OR3A2: variants seen among roughly 807,000 people sequenced by gnomAD.
The protein encoded by OR3A2 is olfactory receptor 3A2.
For missense variants in OR3A2, 318 were observed against 392.8 expected (o/e 0.81, Z 1.61); for synonymous variants, 126 against 159.3 (o/e 0.79, Z 1.57).
At chr17:3,277,851 G>A (rs916144677) in exon 2 of OR3A2, 23 of 1,058,922 alleles carry the variant, frequency 2.2e-5, no homozygotes, top group African/African-American at 3.2e-5. Context: ...ATGTAACACC[G>A]ATCTTCAAGC....
chr17:3,380,297 C>T (rs1000391919), intron 2 of OR3A2, among the ~76,000 whole-genome samples: 2 of 152,220 alleles, frequency 1.3e-5, no homozygotes, highest in African/African-American at 4.8e-5. Context: ...GACCTGCCAA[C>T]GTGTGGCACG....
At chr17:3,337,995 T>A (rs947655080) in intron 2 of OR3A2, among the ~76,000 whole-genome samples, 5 of 152,210 alleles carry the variant, frequency 3.3e-5, no homozygotes, top group Non-Finnish European at 7.3e-5. Flanking sequence ...TATCTCATTG[T>A]GGTTTTGATT....
At chr17:3,370,392 G>A (rs2049603067) in intron 2 of OR3A2, among the ~76,000 whole-genome samples, 1 of 152,120 alleles carries the variant, frequency 6.6e-6, no homozygotes, top group South Asian at 2.1e-4. Flanking sequence ...GTTTCTAAGT[G>A]AGCTTATTTG....
chr17:3,367,823 T>C (rs1257546452), intron 2 of OR3A2, among the ~76,000 whole-genome samples: 1 of 152,102 alleles, frequency 6.6e-6, no homozygotes, highest in African/African-American at 2.4e-5. Context: ...GGAATCTCCA[T>C]ACTGTTTTCC....
intron 3 of OR3A2, among the ~76,000 whole-genome samples, chr17:3,306,697 C>CAAAAAAAAAAAT: frequency 7.0e-6 from 1 of 142,796 alleles, no homozygotes; most frequent in Admixed American, 7.0e-5. Context: ...AAAAAAAAAC[C>CAAAAAAAAAAAT]GTAACCCCTT....
At chr17:3,352,099 G>T (rs954300023) in intron 2 of OR3A2, among the ~76,000 whole-genome samples, 4 of 151,854 alleles carry the variant, frequency 2.6e-5, no homozygotes, top group African/African-American at 7.3e-5. Context: ...TTTTAATCAG[G>T]ATTAGATTTT....
At chr17:3,332,254 C>A (rs1023400505) in intron 3 of OR3A2, among the ~76,000 whole-genome samples, 4 of 152,230 alleles carry the variant, frequency 2.6e-5, no homozygotes, top group East Asian at 1.9e-4. Context: ...TCGAGCTTCG[C>A]GGCTGCTTTG....
At chr17:3,310,936 T>C (rs2049037973) in intron 3 of OR3A2, 1 of 603,850 alleles carries the variant, frequency 1.7e-6, no homozygotes, top group Non-Finnish European at 3.1e-6. Context: ...GCAGCTTTCA[T>C]GGGTGTGGCC....
chr17:3,361,774 T>G (rs2049518930), intron 2 of OR3A2, among the ~76,000 whole-genome samples: 1 of 151,670 alleles, frequency 6.6e-6, no homozygotes, highest in Non-Finnish European at 1.5e-5. Context: ...GTCCAGTTGA[T>G]CGAGGTGGAT....
chr17:3,314,756 C>A (rs916620167), intron 3 of OR3A2, among the ~76,000 whole-genome samples: 1 of 152,108 alleles, frequency 6.6e-6, no homozygotes, highest in African/African-American at 2.4e-5. Flanking sequence ...CTTGGTAATA[C>A]TGCATGATGC....
chr17:3,355,298 A>T (rs976785152), intron 2 of OR3A2, among the ~76,000 whole-genome samples: 9 of 151,476 alleles, frequency 5.9e-5, no homozygotes, highest in Non-Finnish European at 2.9e-5. Flanking sequence ...TGTTCTGTAA[A>T]TATCTATTAG....
chr17:3,322,173 G>C (rs376692544), intron 3 of OR3A2, among the ~76,000 whole-genome samples: 24,449 of 151,972 alleles, frequency 0.16, 2,700 homozygotes, highest in Non-Finnish European at 0.25. Context: ...GGTGTTTATA[G>C]TATTCTCTGA....
At chr17:3,382,358 T>C (rs2049743887) in intron 2 of OR3A2, among the ~76,000 whole-genome samples, 1 of 152,250 alleles carries the variant, frequency 6.6e-6, no homozygotes, top group African/African-American at 2.4e-5. Context: ...AGAGCCCTTA[T>C]AGCTGTGGCG....
At chr17:3,368,653 A>AGAAGTTGGG (rs1186258767) in intron 2 of OR3A2, among the ~76,000 whole-genome samples, 2 of 152,144 alleles carry the variant, frequency 1.3e-5, no homozygotes, top group African/African-American at 4.8e-5. Context: ...TAGTATAGTT[A>AGAAGTTGGG]TAAGTTGGGT....
intron 2 of OR3A2, among the ~76,000 whole-genome samples, chr17:3,347,385 C>T (rs1192899273): frequency 6.6e-6 from 1 of 152,068 alleles, no homozygotes; most frequent in Non-Finnish European, 1.5e-5. Flanking sequence ...CCAATGCTAT[C>T]CCTCCCCTCT....
intron 2 of OR3A2, among the ~76,000 whole-genome samples, chr17:3,359,898 T>C (rs187894035): frequency 1.3e-5 from 2 of 151,946 alleles, no homozygotes; most frequent in East Asian, 3.9e-4. Flanking sequence ...CATGTGTCTT[T>C]ATAGCAGCAT....
chr17:3,357,258 G>A (rs2049471604), intron 2 of OR3A2, among the ~76,000 whole-genome samples: 1 of 151,640 alleles, frequency 6.6e-6, no homozygotes. Flanking sequence ...CTAGGGATAA[G>A]GTGAGAGCTG....
At chr17:3,332,999 C>G (rs1255682373) in intron 3 of OR3A2, among the ~76,000 whole-genome samples, 1 of 152,182 alleles carries the variant, frequency 6.6e-6, no homozygotes, top group Admixed American at 6.5e-5. Context: ...ACCATAAGAT[C>G]TGACTGCCTG....
In OR3A2 at chr17:3,311,238, G is replaced by A; in HGVS notation, c.-85+24795C>T. 1.9e-6 allele frequency: 1 copy of A among 535,930 alleles called. No individual in the cohort carries two copies. Among genetic ancestry groups the A allele is most frequent in the Non-Finnish European group, 3.8e-6 (1 of 260,956 alleles). The allele number at this position is 535,930 out of a possible 1,614,324, so 33.2% of individuals were successfully genotyped here. A position where few individuals can be genotyped will look rare whatever the true frequency, so the allele number is the denominator to read the frequency against. On this transcript the variant is annotated intron_variant, in intron 3 of 4. Coordinates refer to the OR3A2 transcript ENST00000573491. The surrounding 1 kb of genome is among the most constrained non-coding windows in gnomAD (Gnocchi z 4.6). ...GTGCATCAGTCACTGTTCCTCCGAT[G>A]CTGGCGTGTCTCCAGGCCCACCAGT... is the stretch of plus-strand genomic sequence containing the variant.
Sources: allele counts gnomAD v4.1 joint callset (sites outside exome capture counted in the v4.1 genomes callset), GRCh38; gene constraint gnomAD v4.1.1; non-coding constraint Gnocchi (gnomAD v3.1); transcripts MANE v1.5; gene names NCBI Gene and HGNC (gene_info 2026-07-23, HGNC 2026-07-21).